The following TNS3 variants were observed in gnomAD, a reference collection of about 807,000 sequenced individuals.
TNS3 encodes tensin 3.
TNS3 carries 45 observed loss-of-function variants against 140.9 expected under a neutral mutation model. The ratio of observed to expected loss-of-function variants is 0.32; its 90% CI spans 0.25 to 0.41. TNS3 has a LOEUF of 0.41. Ranked by LOEUF, TNS3 falls within the 10% of genes least tolerant of loss-of-function variation. The probability of loss-of-function intolerance (pLI) is 1.00; values close to 1 mark genes in which losing one functional copy is unlikely to be tolerated. For missense variants in TNS3, 1,716 were observed against 1,906.7 expected, an observed-to-expected ratio of 0.90 and a Z score of 1.86; for synonymous variants, 815 against 788.4, an observed-to-expected ratio of 1.03 and a Z score of -0.56.
chr7:47,386,787 A>G (rs977683056), intron 16 of TNS3, among the ~76,000 whole-genome samples: 8 of 152,252 alleles, frequency 5.3e-5, no homozygotes, highest in Non-Finnish European at 1.5e-5. Context: ...AAGTCTGAAG[A>G]TCCATTAAAG....
At chr7:47,365,621 G>A (rs1027404612) in intron 17 of TNS3, among the ~76,000 whole-genome samples, 2 of 151,342 alleles carry the variant, frequency 1.3e-5, no homozygotes, top group African/African-American at 2.4e-5. Context: ...AAAATTAGCC[G>A]GGCGTGATGG....
At chr7:47,367,694 A>G (rs1790787656) in intron 17 of TNS3, among the ~76,000 whole-genome samples, 1 of 151,358 alleles carries the variant, frequency 6.6e-6, no homozygotes, top group South Asian at 2.1e-4. Flanking sequence ...CAGTCCCCTC[A>G]CCCCTGGGCC....
chr7:47,444,659 A>C (rs951526091), intron 4 of TNS3, among the ~76,000 whole-genome samples: 2 of 151,404 alleles, frequency 1.3e-5, no homozygotes, highest in African/African-American at 4.8e-5. Flanking sequence ...CAGAGTGAGA[A>C]GGGCAGGTCA....
intron 1 of TNS3, among the ~76,000 whole-genome samples, chr7:47,545,031 G>A (rs1371891470): frequency 6.6e-6 from 1 of 151,992 alleles, no homozygotes; most frequent in Admixed American, 6.6e-5. Flanking sequence ...AAAACGGAGA[G>A]AGGTATGTTC....
At chr7:47,394,503 G>A (rs1217007753) in intron 16 of TNS3, among the ~76,000 whole-genome samples, 2 of 152,234 alleles carry the variant, frequency 1.3e-5, no homozygotes, top group African/African-American at 2.4e-5. Context: ...CCCAGGTTAT[G>A]GTCATCTGTC....
intron 11 of TNS3, 65 bp from the exon 12 acceptor site, chr7:47,414,062 T>C (rs1459991680): frequency 1.9e-6 from 3 of 1,556,770 alleles, no homozygotes; most frequent in Non-Finnish European, 2.6e-6. Flanking sequence ...AATTTGGCAA[T>C]CAGAAAGACA....
At chr7:47,428,186 G>A (rs1584636019) in intron 9 of TNS3, 126 bp downstream of exon 9, 7 of 579,304 alleles carry the variant, frequency 1.2e-5, no homozygotes, top group Non-Finnish European at 1.6e-5. Flanking sequence ...CCCAGCACTG[G>A]GGAATGGGAA....
chr7:47,478,058 GAC>G (rs1562787880), intron 4 of TNS3, among the ~76,000 whole-genome samples: 1 of 152,196 alleles, frequency 6.6e-6, no homozygotes, highest in African/African-American at 2.4e-5. Context: ...GCCCTCTCAT[GAC>G]CCCACACCAC....
chr7:47,502,290 T>G (rs1487318054), intron 3 of TNS3, among the ~76,000 whole-genome samples: 7 of 152,160 alleles, frequency 4.6e-5, no homozygotes, highest in Non-Finnish European at 1.0e-4. Flanking sequence ...CTGCGGCTCT[T>G]AGCATGCAGA....
At position 47,482,487 on chromosome 7, in the gene TNS3, C is replaced by A. The variant is rs77181818; in HGVS notation, c.-114-1346G>T. Among the ~76,000 whole-genome samples the A allele has an allele frequency of 6.3e-3, 954 of 152,062 alleles. 6 individuals carry two copies. Among genetic ancestry groups the A allele is most frequent in the African/African-American group, 0.021 (891 of 41,488 alleles). On this transcript the variant is annotated intron_variant, in intron 3 of 30. Transcript: ENST00000311160. ...CAAATAAATGTAAAGCAAAACAAAA[C>A]AAAAACAGCTTTGGAAACAGAAGGA...
chr7:47,468,003 C>G (rs1041775702), intron 4 of TNS3, among the ~76,000 whole-genome samples: 1 of 152,086 alleles, frequency 6.6e-6, no homozygotes, highest in Non-Finnish European at 1.5e-5. Context: ...GAATCTGTAA[C>G]GTCTCCTTGT....
intron 6 of TNS3, among the ~76,000 whole-genome samples, chr7:47,438,992 A>G (rs56910399): frequency 0.13 from 19,745 of 152,098 alleles, 1,972 homozygotes; most frequent in African/African-American, 0.27. Flanking sequence ...GCTGTTCTGT[A>G]TTATTCCTCA....
rs552939250 is a variant in TNS3, at chr7:47,278,020, C to T, written c.*56G>A. 158 of 1,612,088 alleles carry T rather than the reference C, an allele frequency of 9.8e-5. 3 individuals are homozygous for T. In the South Asian group the frequency reaches 1.6e-3, roughly 16 times the overall value. On this transcript the variant is annotated 3_prime_UTR_variant, in exon 31 of 31. Transcript: ENST00000311160. ...AAGTGGGGGCCCCACCCTCACCCAA[C>T]GGCTGTCTCCAGGGCTTCGAGAGGC...
chr7:47,280,240 T>G, intron 29 of TNS3, 46 bp downstream of exon 29: 1 of 1,613,902 alleles, frequency 6.2e-7, no homozygotes, highest in South Asian at 1.1e-5. Context: ...AACTAAAGGA[T>G]AGAATTAAGT....
At chr7:47,424,241 T>A in intron 9 of TNS3, 57 bp from the exon 10 acceptor site, 1 of 1,574,644 alleles carries the variant, frequency 6.4e-7, no homozygotes, top group Non-Finnish European at 8.7e-7. Context: ...ACCACGTGGG[T>A]ACTTGACGGG....
rs1310563879 is a variant in TNS3 at position 47,481,135 on chromosome 7, T to C, written c.-108A>G. 1 of 1,289,746 alleles carries C rather than the reference T, an allele frequency of 7.8e-7. No homozygotes were observed. Among genetic ancestry groups the C allele is most frequent in the South Asian group, 1.2e-5 (1 of 81,016 alleles). 79.9% of individuals were successfully genotyped at this position (1,289,746 alleles called of 1,614,324 possible). ...AGTCGGACTTGCACACCGCAGGGAA[T>C]CACCACCTTTCAAAGAGAGAAGAAA... On this transcript the variant is annotated 5_prime_UTR_variant, in exon 4 of 31. Transcript: ENST00000311160.
intron 27 of TNS3, 37 bp downstream of exon 27, chr7:47,291,918 A>G: frequency 6.2e-7 from 1 of 1,606,868 alleles, no homozygotes. Context: ...TTTTCTCCCC[A>G]GTCACCAGAT....
chr7:47,362,371 C>G (rs1238742376), intron 17 of TNS3, among the ~76,000 whole-genome samples: 1 of 152,092 alleles, frequency 6.6e-6, no homozygotes, highest in Non-Finnish European at 1.5e-5. Flanking sequence ...GGCAGGGCTA[C>G]TCTACACTGT....
intron 4 of TNS3, among the ~76,000 whole-genome samples, chr7:47,444,083 G>C (rs1795602067): frequency 6.6e-6 from 1 of 152,210 alleles, no homozygotes; most frequent in African/African-American, 2.4e-5. Context: ...AAGCAGCTCA[G>C]ATGCAATCCT....
Sources: allele counts gnomAD v4.1 joint callset (sites outside exome capture counted in the v4.1 genomes callset), GRCh38; gene constraint gnomAD v4.1.1; transcripts MANE v1.5; gene names NCBI Gene and HGNC (gene_info 2026-07-23, HGNC 2026-07-21).